Variants in ZNRF3 observed in about 807,000 individuals in gnomAD.
The protein encoded by ZNRF3 is zinc and ring finger 3.
Under a neutral mutation model 72.5 loss-of-function variants are expected in ZNRF3, and 23 were observed. That is an observed-to-expected ratio of 0.32 (90% confidence interval 0.23 to 0.45). The LOEUF is 0.45. Ranked by LOEUF, ZNRF3 falls within the 20% of genes least tolerant of loss-of-function variation. The pLI, the probability that ZNRF3 is intolerant of heterozygous loss-of-function variation, is 1.00. For missense variants in ZNRF3, 1,169 were observed against 1,272.1 expected (o/e 0.92, Z 1.23); for synonymous variants, 610 against 545.3 (o/e 1.12, Z -1.65).
intron 4 of ZNRF3, 130 bp downstream of exon 4, chr22:29,043,560 A>G: frequency 2.5e-6 from 3 of 1,182,312 alleles, no homozygotes; most frequent in Non-Finnish European, 1.2e-6. Flanking sequence ...GCAGGCTTAG[A>G]TCAGCTATTG....
Position 29,044,784 on chromosome 22 carries a change from C to T in ZNRF3, c.638C>T (p.Pro213Leu). 1 of 1,612,390 alleles carries T rather than the reference C, an allele frequency of 6.2e-7. No homozygotes were observed. The highest frequency in any genetic ancestry group is 8.5e-7 in the Non-Finnish European group (1 of 1,178,410). ...ARIQHRPPRQ[P>L]TEYFDMGIFL... Reference sequence around the variant, plus strand: ...TGTGTCTGTGTTCCGTTCCAGCAACCCACTGAATACTTTGACATGGGGATT... The same window carrying T: ...TGTGTCTGTGTTCCGTTCCAGCAACTCACTGAATACTTTGACATGGGGATT... Residue 213 changes from proline to leucine, a missense_variant, in exon 5 of 9, where the codon CCC (proline) becomes CTC (leucine). Physicochemically the swap from Pro to Leu is moderately conservative, Grantham distance 98 (BLOSUM62 -3). Around this residue, in one of 2 missense-constraint regions of ZNRF3, gnomAD observed 386 missense variants for 540.7 expected, o/e 0.71. Transcript: ENST00000544604.
chr22:29,040,007 G>T (rs981008223), intron 2 of ZNRF3, among the ~76,000 whole-genome samples: 13 of 151,992 alleles, frequency 8.6e-5, no homozygotes, highest in Non-Finnish European at 8.8e-5. Flanking sequence ...TGCCACTCTC[G>T]CCTCACACTT....
intron 1 of ZNRF3, chr22:28,986,543 C>T: frequency 1.1e-6 from 1 of 883,498 alleles, no homozygotes; most frequent in Non-Finnish European, 1.4e-6. Flanking sequence ...ATCTGTTTCC[C>T]AGTAACCAGG....
chr22:29,049,475 C>T lies in ZNRF3; in HGVS notation c.1294C>T (p.Arg432Cys), dbSNP rs375185361. The change falls in exon 8 of 9, where the codon CGC (arginine) becomes TGC (cysteine). Residue 432 changes from arginine to cysteine, a missense_variant. This residue lies in a region of ZNRF3 where 783 missense variants were observed against 731.4 expected (regional missense o/e 1.07). Coordinates refer to ENST00000544604, the MANE Select transcript of ZNRF3 (RefSeq NM_001206998.2). The surrounding 1 kb of genome is among the most constrained non-coding windows in gnomAD (Gnocchi z 5.2). ...CCTGGACCACAGCCTGGCCGCTCAC[C>T]GCTGCGGCCTGGAGCACCGGGCCTA... is the stretch of plus-strand genomic sequence containing the variant. ...LHLDHSLAAH[R>C]CGLEHRAYSP... The T allele has an allele frequency of 2.4e-5, 39 of 1,605,030 alleles. No individual in the cohort carries two copies. Among genetic ancestry groups the T allele is most frequent in the Non-Finnish European group, 3.0e-5 (35 of 1,179,748 alleles).
intron 1 of ZNRF3, among the ~76,000 whole-genome samples, chr22:28,937,203 ATATATATATATATTTTTTT>A (rs1456977401): frequency 2.1e-4 from 2 of 9,572 alleles, no homozygotes; most frequent in South Asian, 4.5e-3. Flanking sequence ...ATATATATAT[ATATATATATATATTTTTTT>A]TTTTTTTTTT....
At chr22:29,011,030 C>T (rs2036338651) in intron 2 of ZNRF3, among the ~76,000 whole-genome samples, 2 of 152,172 alleles carry the variant, frequency 1.3e-5, no homozygotes, top group Admixed American at 1.3e-4. Flanking sequence ...CCTGTGCTTT[C>T]GGTGTCTCTT....
chr22:29,021,782 C>T (rs2036545927), intron 2 of ZNRF3, among the ~76,000 whole-genome samples: 1 of 152,136 alleles, frequency 6.6e-6, no homozygotes. Flanking sequence ...GCCACCGTGC[C>T]CGGCCTTGTT....
chr22:28,913,364 A>G (rs1221486343), intron 1 of ZNRF3, among the ~76,000 whole-genome samples: 2 of 152,352 alleles, frequency 1.3e-5, no homozygotes, highest in South Asian at 4.1e-4. Flanking sequence ...TCCCAAATGT[A>G]CTTGATCACA....
At chr22:28,977,932 C>T (rs1442023447) in intron 1 of ZNRF3, among the ~76,000 whole-genome samples, 1 of 152,180 alleles carries the variant, frequency 6.6e-6, no homozygotes, top group South Asian at 2.1e-4. Flanking sequence ...GTACCATACT[C>T]AAGGGAACAT....
chr22:28,922,867 C>T (rs189484721), intron 1 of ZNRF3, among the ~76,000 whole-genome samples: 6 of 152,206 alleles, frequency 3.9e-5, no homozygotes, highest in Admixed American at 2.0e-4. Flanking sequence ...TTTCTTACTC[C>T]TGAGTTAAAC....
chr22:29,003,381 G>A (rs372562677), intron 2 of ZNRF3, among the ~76,000 whole-genome samples: 5 of 152,118 alleles, frequency 3.3e-5, no homozygotes, highest in South Asian at 2.1e-4. Flanking sequence ...TTAGCCAGGC[G>A]TGGTGGCGGG....
At chr22:28,931,559 C>T (rs755607383) in intron 1 of ZNRF3, among the ~76,000 whole-genome samples, 2 of 152,242 alleles carry the variant, frequency 1.3e-5, no homozygotes, top group African/African-American at 2.4e-5. Context: ...GCTGTTAGAC[C>T]GGCATTACTG....
chr22:29,048,771 G>A lies in ZNRF3; in HGVS notation c.1015+280G>A, dbSNP rs76983916. Among the ~76,000 whole-genome samples, 12 of 152,332 alleles carry A rather than the reference G, an allele frequency of 7.9e-5. No homozygotes were observed. In the East Asian group the frequency reaches 2.3e-3, roughly 29 times the overall value. ...GCCTGAGGCCCCTAATCTCTTTAGT[G>A]GCAATGACAGTAATGGTGTTTGCCC... On this transcript the variant is annotated intron_variant, in intron 7 of 8. Transcript: ENST00000544604. The surrounding 1 kb of genome is among the most constrained non-coding windows in gnomAD (Gnocchi z 4.9).
chr22:29,051,617 A>G (rs1431220959), intron 8 of ZNRF3, among the ~76,000 whole-genome samples: 1 of 150,600 alleles, frequency 6.6e-6, no homozygotes, highest in African/African-American at 2.4e-5. Flanking sequence ...AAAAAAAAAA[A>G]AAAAAAAGGC....
chr22:28,927,295 C>T (rs1248561612), intron 1 of ZNRF3, among the ~76,000 whole-genome samples: 1 of 152,032 alleles, frequency 6.6e-6, no homozygotes, highest in African/African-American at 2.4e-5. Context: ...GTGGCTCACG[C>T]CTGTAATCCC....
chr22:28,920,962 C>T (rs979866136), intron 1 of ZNRF3, among the ~76,000 whole-genome samples: 13 of 152,206 alleles, frequency 8.5e-5, no homozygotes, highest in African/African-American at 2.7e-4. Flanking sequence ...GGGGCTAGAC[C>T]CAGGGCCAGG....
intron 1 of ZNRF3, among the ~76,000 whole-genome samples, chr22:28,893,297 C>T (rs1027955459): frequency 1.3e-5 from 2 of 152,154 alleles, no homozygotes; most frequent in African/African-American, 4.8e-5. Context: ...TTTGGCTTTG[C>T]TATCTTGTCA....
At chr22:28,935,836 C>G (rs550338347) in intron 1 of ZNRF3, among the ~76,000 whole-genome samples, 15 of 152,260 alleles carry the variant, frequency 9.9e-5, no homozygotes, top group African/African-American at 3.6e-4. Context: ...GCTCCCCTAC[C>G]CGAATTCCCG....
chr22:29,048,588 C>A lies in ZNRF3; in HGVS notation c.1015+97C>A. 1 of 1,265,388 alleles carries A rather than the reference C, an allele frequency of 7.9e-7. No homozygotes were observed. The highest frequency in any genetic ancestry group is 1.1e-6 in the Non-Finnish European group (1 of 882,528). 78.4% of individuals were successfully genotyped at this position (1,265,388 alleles called of 1,614,324 possible). On this transcript the variant is annotated intron_variant, in intron 7 of 8. Transcript: ENST00000544604. This position sits in a 1 kb window ranked among gnomAD's most constrained non-coding sequence, Gnocchi z 4.9. ...TTGGGAACACTCAGAACCACCGTGG[C>A]ACTGCCCTCTGGACTTGGAGGCCTG...
Sources: gnomAD v4.1 joint callset for allele counts (sites outside exome capture counted in the v4.1 genomes callset) on GRCh38, gnomAD v4.1.1 for gene constraint, gnomAD v4.1.1 regional missense constraint, Gnocchi (gnomAD v3.1) non-coding constraint, MANE v1.5 for transcripts, NCBI Gene and HGNC (gene_info 2026-07-23, HGNC 2026-07-21) for gene names.